Variants in PLPPR2 observed in about 807,000 individuals in gnomAD.
The protein encoded by PLPPR2 is phospholipid phosphatase related 2.
PLPPR2 carries 11 observed loss-of-function variants against 40.3 expected under a neutral mutation model. The ratio of observed to expected loss-of-function variants is 0.27; its 90% CI spans 0.17 to 0.45. The LOEUF (loss-of-function observed/expected upper bound fraction) is 0.45. Among genes scored for constraint, PLPPR2 ranks in the 20% least tolerant of loss-of-function variants. The pLI, the probability that PLPPR2 is intolerant of heterozygous loss-of-function variation, is 1.00. For missense variants in PLPPR2, 497 were observed against 640.7 expected (o/e 0.78, Z 2.42); for synonymous variants, 260 against 290.8 (o/e 0.89, Z 1.08).
Position 11,361,490 on chromosome 19 carries a change from TGAGCTTCGG to T in PLPPR2, c.663+13_663+21del, listed in dbSNP as rs758994746. On this transcript the variant is annotated splice_donor_5th_base_variant and intron_variant, in intron 6 of 9. Transcript: ENST00000688289. The surrounding 1 kb of genome is among the most constrained non-coding windows in gnomAD (Gnocchi z 6.3). The stretch of plus-strand genomic sequence containing the variant: ...GCCTACGCGGTCACCTACACAGCGG[TGAGCTTCGG>T]GAGCTTCGGGGTCGGAAATGGGTGT... 28 of 1,592,578 alleles carry T rather than the reference TGAGCTTCGG, an allele frequency of 1.8e-5. No homozygotes were observed. The East Asian group carries it at 2.9e-4, about 17-fold the overall frequency.
chr19:11,358,029 CTGTGTGTG>C (rs751126799), intron 3 of PLPPR2, among the ~76,000 whole-genome samples: 33,372 of 149,394 alleles, frequency 0.22, 3,936 homozygotes, highest in African/African-American at 0.3. Context: ...GGGCTGTTCT[CTGTGTGTG>C]TGTGTGTGTG....
intron 3 of PLPPR2, among the ~76,000 whole-genome samples, chr19:11,358,666 TG>T (rs1280769012): frequency 2.8e-4 from 41 of 147,440 alleles, no homozygotes; most frequent in Admixed American, 8.9e-4. Context: ...CCTCTCTCTC[TG>T]TTTTTTTTTT....
rs534333038 is a variant in PLPPR2 at position 11,359,092 on chromosome 19, G to C, written c.67-440G>C. Reference sequence around the variant, plus strand: ...GACAGGGTCTCCCTCTGTCACCCAGGCTGGAGTGCAGTGGTGCCATCATGG... The same window carrying C: ...GACAGGGTCTCCCTCTGTCACCCAGCCTGGAGTGCAGTGGTGCCATCATGG... On this transcript the variant is annotated intron_variant, in intron 3 of 9. Coordinates refer to ENST00000688289, the MANE Select transcript of PLPPR2 (RefSeq NM_001393892.1). This position sits in a 1 kb window ranked among gnomAD's most constrained non-coding sequence, Gnocchi z 5.6. Among the ~76,000 whole-genome samples the C allele has an allele frequency of 1.3e-5, 2 of 151,944 alleles. No individual in the cohort carries two copies. The highest frequency in any genetic ancestry group is 2.9e-5 in the Non-Finnish European group (2 of 67,976).
intron 1 of PLPPR2, among the ~76,000 whole-genome samples, 184 bp downstream of exon 1, chr19:11,355,756 C>A (rs1347987306): frequency 6.6e-6 from 1 of 152,090 alleles, no homozygotes; most frequent in Non-Finnish European, 1.5e-5. Flanking sequence ...GAGGAGCCAG[C>A]ACCGGTGGTG....
At position 11,362,339 on chromosome 19, in the gene PLPPR2, T is replaced by G; in HGVS notation, c.664-174T>G. 2 of 504,800 alleles carry G rather than the reference T, an allele frequency of 4.0e-6. No homozygotes were observed. The highest frequency in any genetic ancestry group is 3.3e-5 in the Admixed American group (1 of 30,314). 31.3% of individuals were successfully genotyped at this position (504,800 alleles called of 1,614,324 possible). On this transcript the variant is annotated intron_variant, in intron 6 of 9. Coordinates refer to ENST00000688289, the MANE Select transcript of PLPPR2 (RefSeq NM_001393892.1). This position sits in a 1 kb window ranked among gnomAD's most constrained non-coding sequence, Gnocchi z 5.3. ...CCCTGACCCCCCCCCCTTTGCCTTTTTGGTCACGCTCCCTGGAAAAGCCCA... is the reference window on the plus strand; with the variant it reads ...CCCTGACCCCCCCCCCTTTGCCTTTGTGGTCACGCTCCCTGGAAAAGCCCA...
At chr19:11,360,683 G>A (rs1968018750) in intron 5 of PLPPR2, among the ~76,000 whole-genome samples, 2 of 152,110 alleles carry the variant, frequency 1.3e-5, no homozygotes, top group Admixed American at 1.3e-4. Flanking sequence ...TGAGACTCTG[G>A]CTGTGCTTTA....
In PLPPR2 at chr19:11,355,467, C is replaced by T. The variant is rs1306539931; in HGVS notation, c.-295C>T. On this transcript the variant is annotated 5_prime_UTR_variant, in exon 1 of 10. Transcript: ENST00000688289. Reference sequence around the variant, plus strand: ...CGCGGCCAGGCCCGGCCGACCGCGTCTCGGTCTTCGCGTCTGCCAGCCTGG... The same window carrying T: ...CGCGGCCAGGCCCGGCCGACCGCGTTTCGGTCTTCGCGTCTGCCAGCCTGG... 1 of 152,434 alleles carries T rather than the reference C, an allele frequency of 6.6e-6. No individual in the cohort carries two copies. The highest frequency in any genetic ancestry group is 2.4e-5 in the African/African-American group (1 of 41,460). 9.4% of individuals were successfully genotyped at this position (152,434 alleles called of 1,614,324 possible).
Position 11,364,685 on chromosome 19 carries a change from C to T in PLPPR2, c.1354C>T (p.Leu452=), listed in dbSNP as rs1568323742. The stretch of plus-strand genomic sequence containing the variant: ...CCTGTTTGCCAGCCGTGACCACCTG[C>T]TGTGAGGCCCGACCACCCACCCAGA... The part of the protein sequence containing the change: ...PYLFASRDHL[L] The change falls in exon 10 of 10, where the codon CTG becomes TTG. Residue 452 remains leucine (L), a synonymous_variant. Transcript: ENST00000688289. The surrounding 1 kb of genome is among the most constrained non-coding windows in gnomAD (Gnocchi z 5.8). 2.0e-6 allele frequency: 3 copies of T among 1,537,102 alleles called. No homozygotes were observed. Among genetic ancestry groups the T allele is most frequent in the Middle Eastern group, 1.7e-4 (1 of 6,010 alleles).
rs1008409714 is a variant in PLPPR2, at chr19:11,362,723, G to C, written c.840+34G>C. 8.2e-6 allele frequency: 13 copies of C among 1,592,800 alleles called. No homozygotes were observed. The Admixed American group carries it at 1.9e-4, about 23-fold the overall frequency. ...CCTCCTCAACCTTCCCAGCATGGAA[G>C]ACCCTCACCAGCTCTCTGACCCAAG... On this transcript the variant is annotated intron_variant, in intron 7 of 9. Transcript: ENST00000688289. The surrounding 1 kb of genome is among the most constrained non-coding windows in gnomAD (Gnocchi z 5.3).
chr19:11,364,575 T>G lies in PLPPR2; in HGVS notation c.1244T>G (p.Leu415Arg). Reference sequence around the variant, plus strand: ...GGTGGTGGACGTGGCCGGAAGCTGCTGCTGCCCACGCCCCTGCTGCGGGAC... The same window carrying G: ...GGTGGTGGACGTGGCCGGAAGCTGCGGCTGCCCACGCCCCTGCTGCGGGAC... Reference protein sequence around the residue: ...GGGGGRGRKLLLPTPLLRDLY... With the variant: ...GGGGGRGRKLRLPTPLLRDLY... Residue 415 changes from leucine to arginine, a missense_variant, in exon 10 of 10, where the codon CTG (leucine) becomes CGG (arginine). Transcript: ENST00000688289. This position sits in a 1 kb window ranked among gnomAD's most constrained non-coding sequence, Gnocchi z 5.8. 6.5e-7 allele frequency: 1 copy of G among 1,537,112 alleles called. No homozygotes were observed. The highest frequency in any genetic ancestry group is 8.7e-7 in the Non-Finnish European group (1 of 1,146,836).
At chr19:11,358,029 C>CTGTGTG (rs751126799) in intron 3 of PLPPR2, among the ~76,000 whole-genome samples, 2 of 149,458 alleles carry the variant, frequency 1.3e-5, no homozygotes, top group South Asian at 2.1e-4. Flanking sequence ...GGGCTGTTCT[C>CTGTGTG]TGTGTGTGTG....
chr19:11,358,693 T>C (rs1599401540), intron 3 of PLPPR2, among the ~76,000 whole-genome samples: 1 of 151,752 alleles, frequency 6.6e-6, no homozygotes, highest in East Asian at 1.9e-4. Flanking sequence ...TTCTTCCTTT[T>C]CTTTCTTTCC....
Position 11,359,631 on chromosome 19 carries a change from T to C in PLPPR2, c.166T>C (p.Tyr56His). ...TQGFFCYDST[Y>H]AKPYPGPEAA... ...GGGATTCTTCTGCTATGACAGTACC[T>C]ACGCCAAGCCCTACCCAGGGCCTGA... The change falls in exon 4 of 10, where the codon TAC becomes CAC. Residue 56 changes from tyrosine (Y) to histidine (H), a missense_variant. Coordinates refer to ENST00000688289, the MANE Select transcript of PLPPR2 (RefSeq NM_001393892.1). This position sits in a 1 kb window ranked among gnomAD's most constrained non-coding sequence, Gnocchi z 5.6. The C allele has an allele frequency of 6.2e-7, 1 of 1,613,172 alleles. No individual in the cohort carries two copies.
chr19:11,363,759 G>T lies in PLPPR2; in HGVS notation c.887G>T (p.Arg296Leu), dbSNP rs140179357. 1 of 1,614,152 alleles carries T rather than the reference G, an allele frequency of 6.2e-7. No homozygotes were observed. The highest frequency in any genetic ancestry group is 1.1e-5 in the South Asian group (1 of 91,082). Residue 296 changes from arginine to leucine, a missense_variant, in exon 8 of 10, where the codon CGA becomes CTA. By Grantham distance (102) the Arg-to-Leu change is moderately radical. Coordinates refer to ENST00000688289, the MANE Select transcript of PLPPR2 (RefSeq NM_001393892.1). This position sits in a 1 kb window ranked among gnomAD's most constrained non-coding sequence, Gnocchi z 4.8. ...HNFQSRPPSG[R>L]RLSPWEDLGQ... ...TTTCAGAGCCGGCCACCCTCTGGCCGAAGGCTCTCTCCCTGGGAGGACCTG... is the reference window on the plus strand; with the variant it reads ...TTTCAGAGCCGGCCACCCTCTGGCCTAAGGCTCTCTCCCTGGGAGGACCTG...
Position 11,363,617 on chromosome 19 carries a change from G to C in PLPPR2, c.841-96G>C. On this transcript the variant is annotated intron_variant, in intron 7 of 9. Transcript: ENST00000688289. The surrounding 1 kb of genome is among the most constrained non-coding windows in gnomAD (Gnocchi z 4.8). Reference sequence around the variant, plus strand: ...GCATTAGCTGTTTTTGAAAACCGGAGCCTCACTTTCCTTATCTGAAAAATG... The same window carrying C: ...GCATTAGCTGTTTTTGAAAACCGGACCCTCACTTTCCTTATCTGAAAAATG... The C allele has an allele frequency of 1.4e-6, 2 of 1,406,894 alleles. No individual in the cohort carries two copies. Among genetic ancestry groups the C allele is most frequent in the South Asian group, 3.0e-5 (2 of 67,062 alleles). 87.2% of individuals were successfully genotyped at this position (1,406,894 alleles called of 1,614,324 possible).
rs201858119 is a variant in PLPPR2 at position 11,364,181 on chromosome 19, G to T, written c.984G>T (p.Pro328=). 5 of 1,611,758 alleles carry T rather than the reference G, an allele frequency of 3.1e-6. No individual in the cohort carries two copies. The African/African-American group carries it at 6.7e-5, about 22-fold the overall frequency. The change falls in exon 9 of 10, where the codon CCG becomes CCT. Residue 328 remains proline (P), a synonymous_variant. Coordinates refer to ENST00000688289, the MANE Select transcript of PLPPR2 (RefSeq NM_001393892.1). This position sits in a 1 kb window ranked among gnomAD's most constrained non-coding sequence, Gnocchi z 5.8. ...CTCAGGAACCCGAGGTCTGCAGGCC[G>T]CATTCGACACCGGCACGGCTCACCC... ...SVAQEPEVCR[P]HSTPARLTPS... is the part of the protein sequence containing the mutation.
chr19:11,364,640 C>T lies in PLPPR2; in HGVS notation c.1309C>T (p.Arg437Trp), dbSNP rs1968146052. The T allele has an allele frequency of 3.3e-6, 5 of 1,537,114 alleles. No homozygotes were observed. Among genetic ancestry groups the T allele is most frequent in the African/African-American group, 2.7e-5 (2 of 73,040 alleles). Residue 437 changes from arginine to tryptophan, a missense_variant, in exon 10 of 10, where the codon CGG becomes TGG. Physicochemically the swap from Arg to Trp is moderately radical, Grantham distance 101. Coordinates refer to ENST00000688289, the MANE Select transcript of PLPPR2 (RefSeq NM_001393892.1). This position sits in a 1 kb window ranked among gnomAD's most constrained non-coding sequence, Gnocchi z 5.8. Reference protein sequence around the residue: ...LSGLYPSPFHRDNFSPYLFAS... With the variant: ...LSGLYPSPFHWDNFSPYLFAS... ...TGGACTCTATCCCTCCCCCTTCCACCGGGACAACTTCAGCCCTTACCTGTT... is the reference window on the plus strand; with the variant it reads ...TGGACTCTATCCCTCCCCCTTCCACTGGGACAACTTCAGCCCTTACCTGTT...
At chr19:11,357,233 A>G (rs1967912108) in intron 2 of PLPPR2, among the ~76,000 whole-genome samples, 1 of 151,994 alleles carries the variant, frequency 6.6e-6, no homozygotes, top group South Asian at 2.1e-4. Flanking sequence ...ACTCAGGGGA[A>G]GGGTCTGGTA....
At chr19:11,360,832 T>G (rs1484924501) in intron 5 of PLPPR2, among the ~76,000 whole-genome samples, 1 of 151,876 alleles carries the variant, frequency 6.6e-6, no homozygotes, top group Non-Finnish European at 1.5e-5. Flanking sequence ...TTGAACTCAG[T>G]AGTAGCCAGT....
Sources: gnomAD v4.1 joint callset for allele counts (sites outside exome capture counted in the v4.1 genomes callset) on GRCh38, gnomAD v4.1.1 for gene constraint, Gnocchi (gnomAD v3.1) non-coding constraint, MANE v1.5 for transcripts, NCBI Gene and HGNC (gene_info 2026-07-23, HGNC 2026-07-21) for gene names.